Variants in MICAL2 observed in about 807,000 individuals in gnomAD.
MICAL2 encodes the protein [F-actin]-monooxygenase MICAL2.
Under a neutral mutation model 127.3 loss-of-function variants are expected in MICAL2, and 77 were observed. That is an observed-to-expected ratio of 0.60 (90% CI 0.50 to 0.73). The LOEUF is 0.73. Among genes scored for constraint, MICAL2 ranks in the 30% least tolerant of loss-of-function variants. MICAL2 has a pLI of 0.00. For synonymous variants in MICAL2, 570 were observed against 551.1 expected, an observed-to-expected ratio of 1.03 and a Z score of -0.48; for missense variants, 1,351 against 1,434.4, an observed-to-expected ratio of 0.94 and a Z score of 0.94.
chr11:12,154,165 C>T lies in MICAL2; in HGVS notation c.-77-7914C>T, dbSNP rs528589598. On this transcript the variant is annotated intron_variant, in intron 2 of 27. Coordinates refer to ENST00000683283, the MANE Select transcript of MICAL2 (RefSeq NM_001282663.2). ...AGTGGAGCTGCTGGAAGGAACACAG[C>T]CTTGGGGGACTTAGCCCTGACCTGT... is the stretch of plus-strand genomic sequence containing the variant. 4.6e-5 allele frequency among the ~76,000 whole-genome samples: 7 copies of T among 152,288 alleles called. No individual in the cohort carries two copies. The East Asian group carries it at 1.2e-3, about 25-fold the overall frequency.
At position 12,219,273 on chromosome 11, in the gene MICAL2, A is replaced by AG. The variant is rs1443765929; in HGVS notation, c.949-928_949-927insG. On this transcript the variant is annotated intron_variant, in intron 8 of 27. Coordinates refer to ENST00000683283, the MANE Select transcript of MICAL2 (RefSeq NM_001282663.2). The stretch of plus-strand genomic sequence containing the variant: ...GGTGAGCAGCTTGGACTCTGGGGAT[A>AG]CACTAAACTTGCCAGCTCTCTTCAA... Among the ~76,000 whole-genome samples, 10 of 152,272 alleles carry AG rather than the reference A, an allele frequency of 6.6e-5. No homozygotes were observed. The East Asian group carries it at 1.9e-3, about 29-fold the overall frequency.
upstream of MICAL2, among the ~76,000 whole-genome samples, chr11:12,271,663 C>G (rs1863677637): frequency 6.6e-6 from 1 of 152,164 alleles, no homozygotes; most frequent in African/African-American, 2.4e-5. Context: ...AGCATTATTT[C>G]CAGTATTTGT....
intron 3 of MICAL2, among the ~76,000 whole-genome samples, chr11:12,202,189 C>G (rs1425784607): frequency 1.3e-5 from 2 of 152,124 alleles, no homozygotes; most frequent in Non-Finnish European, 2.9e-5. Flanking sequence ...TCCTTCCCGT[C>G]TCTTCTCCCA....
intron 18 of MICAL2, 45 bp downstream of exon 18, chr11:12,241,207 G>T (rs775336162): frequency 7.6e-6 from 12 of 1,588,716 alleles, no homozygotes; most frequent in Admixed American, 3.5e-5. Flanking sequence ...AGCCAGAGGG[G>T]ACTTTGATCC....
chr11:12,127,385 A>G (rs1316806110), intron 1 of MICAL2, among the ~76,000 whole-genome samples: 1 of 152,016 alleles, frequency 6.6e-6, no homozygotes, highest in East Asian at 1.9e-4. Context: ...TGCAGCAGGG[A>G]AAAAAACAAA....
At chr11:12,227,708 A>G (rs1470236811) in intron 15 of MICAL2, among the ~76,000 whole-genome samples, 1 of 152,150 alleles carries the variant, frequency 6.6e-6, no homozygotes, top group Non-Finnish European at 1.5e-5. Flanking sequence ...AGGTTCCCAA[A>G]CTTTCTCAAC....
Position 12,228,698 on chromosome 11 carries a change from G to A in MICAL2, c.1995+1567G>A, listed in dbSNP as rs575692883. Among the ~76,000 whole-genome samples the A allele has an allele frequency of 2.0e-5, 3 of 152,330 alleles. No individual in the cohort carries two copies. The East Asian group carries it at 5.8e-4, about 29-fold the overall frequency. On this transcript the variant is annotated intron_variant, in intron 15 of 27. Coordinates refer to ENST00000683283, the MANE Select transcript of MICAL2 (RefSeq NM_001282663.2). ...GGAGTCGGGAAGCCCACGGAGGAGA[G>A]CGCTTCTACGGGATGGGCCCTGGAG... is the stretch of plus-strand genomic sequence containing the variant.
intron 1 of MICAL2, among the ~76,000 whole-genome samples, chr11:12,127,572 G>A (rs904145931): frequency 2.6e-5 from 4 of 152,162 alleles, no homozygotes; most frequent in Non-Finnish European, 5.9e-5. Flanking sequence ...ATTTTAAACA[G>A]AGTGGTTAGA....
At chr11:12,243,709 C>T (rs927655275) in intron 20 of MICAL2, among the ~76,000 whole-genome samples, 5 of 152,186 alleles carry the variant, frequency 3.3e-5, no homozygotes, top group Admixed American at 6.5e-5. Context: ...TAATTGGCAT[C>T]GGTGTCTGAG....
At chr11:12,183,091 T>G (rs1857686507) in intron 3 of MICAL2, among the ~76,000 whole-genome samples, 1 of 152,130 alleles carries the variant, frequency 6.6e-6, no homozygotes, top group Admixed American at 6.5e-5. Context: ...TGGAATGCTT[T>G]CTTTGTTCAG....
At chr11:12,144,484 T>C (rs1173831888) in intron 2 of MICAL2, among the ~76,000 whole-genome samples, 3 of 152,182 alleles carry the variant, frequency 2.0e-5, no homozygotes, top group African/African-American at 7.2e-5. Context: ...CTGGAACCTA[T>C]GACCCAGCCT....
rs564935322 is a variant in MICAL2, at chr11:12,239,701, A to G, written c.2214+116A>G. 7 of 1,231,748 alleles carry G rather than the reference A, an allele frequency of 5.7e-6. No homozygotes were observed. In the Admixed American group the frequency reaches 8.2e-5, roughly 14 times the overall value. The allele number at this position is 1,231,748 out of a possible 1,614,324, so 76.3% of individuals were successfully genotyped here. The stretch of plus-strand genomic sequence containing the variant: ...CCAGGCCTGGTCCCAAGGAGACTTG[A>G]GCTCCTTCTAGATCAGGAGTCAACA... On this transcript the variant is annotated intron_variant, in intron 17 of 27. Transcript: ENST00000683283.
chr11:12,281,156 C>T (rs1310886393), intron 2 of MICAL2: 2 of 398,770 alleles, frequency 5.0e-6, no homozygotes, highest in African/African-American at 4.1e-5. Context: ...ACAGAGACCC[C>T]CACAGCTGAA....
chr11:12,154,391 A>G (rs985312357), intron 2 of MICAL2, among the ~76,000 whole-genome samples: 1 of 152,116 alleles, frequency 6.6e-6, no homozygotes, highest in African/African-American at 2.4e-5. Flanking sequence ...GTTGAGATGG[A>G]CAGTCAGGGA....
intron 2 of MICAL2, among the ~76,000 whole-genome samples, chr11:12,138,805 T>C (rs1291578407): frequency 6.6e-6 from 1 of 152,142 alleles, no homozygotes; most frequent in Non-Finnish European, 1.5e-5. Flanking sequence ...CAGCTGTTTG[T>C]GGACTCAAGG....
chr11:12,318,929 C>T (rs894577082), intron 29 of MICAL2, among the ~76,000 whole-genome samples: 4 of 152,312 alleles, frequency 2.6e-5, no homozygotes, highest in South Asian at 2.1e-4. Flanking sequence ...TCCTCGAATT[C>T]GGCTCTCCCT....
At chr11:12,279,461 G>A (rs1415972660) in intron 1 of MICAL2, among the ~76,000 whole-genome samples, 1 of 152,184 alleles carries the variant, frequency 6.6e-6, no homozygotes, top group Non-Finnish European at 1.5e-5. Context: ...CTGATGCCCA[G>A]AGAAGGGAAA....
intron 30 of MICAL2, among the ~76,000 whole-genome samples, chr11:12,320,081 A>G (rs58822713): frequency 0.013 from 1,964 of 152,308 alleles, 39 homozygotes; most frequent in African/African-American, 0.045. Context: ...GCAGCTCTTA[A>G]AGTGGGTTTA....
intron 29 of MICAL2, among the ~76,000 whole-genome samples, chr11:12,306,283 CA>C (rs1864107844): frequency 7.4e-6 from 1 of 135,486 alleles, no homozygotes; most frequent in African/African-American, 3.1e-5. Context: ...TTTCTTTCAA[CA>C]TTTTTTTTTT....
Sources: gnomAD v4.1 joint callset for allele counts (sites outside exome capture counted in the v4.1 genomes callset) on GRCh38, gnomAD v4.1.1 for gene constraint, MANE v1.5 for transcripts, NCBI Gene and HGNC (gene_info 2026-07-23, HGNC 2026-07-21) for gene names.